The following CASK variants were observed in gnomAD, a reference collection of about 807,000 sequenced individuals.
CASK encodes the protein peripheral plasma membrane protein CASK.
A neutral mutation model predicts 82.9 loss-of-function variants in CASK; 4 were observed. The ratio of observed to expected loss-of-function variants is 0.05; its 90% confidence interval spans 0.02 to 0.11. The LOEUF (loss-of-function observed/expected upper bound fraction) is 0.11. Ranked by LOEUF, CASK falls within the 10% of genes least tolerant of loss-of-function variation. The pLI is 1.00. For synonymous variants in CASK, 259 were observed against 253.5 expected (o/e 1.02, Z -0.20); for missense variants, 358 against 720.9 (o/e 0.50, Z 5.76).
chrX:41,919,192 G>C (rs1173325485), intron 1 of CASK: 1 of 112,283 alleles, frequency 8.9e-6, no homozygotes, highest in Non-Finnish European at 1.9e-5. Flanking sequence ...CTCCTTATTA[G>C]TGAACTAGAG....
intron 1 of CASK, among the ~76,000 whole-genome samples, chrX:41,866,879 G>A (rs2071599899): frequency 9.0e-6 from 1 of 111,292 alleles, no homozygotes; most frequent in Non-Finnish European, 1.9e-5. Flanking sequence ...ATCTTTTGGG[G>A]TTTGATGAAT....
chrX:41,794,199 A>G (rs993853712), intron 2 of CASK, among the ~76,000 whole-genome samples: 1 of 112,417 alleles, frequency 8.9e-6, no homozygotes. Context: ...GGCCCCAAAT[A>G]TCATCATCAG....
chrX:41,702,958 T>C (rs2067828329), intron 5 of CASK, among the ~76,000 whole-genome samples: 1 of 112,078 alleles, frequency 8.9e-6, no homozygotes, highest in African/African-American at 3.2e-5. Flanking sequence ...TAGAGCATCC[T>C]ACCCTTATTA....
chrX:41,682,714 C>T (rs759233637), intron 5 of CASK, among the ~76,000 whole-genome samples: 41 of 106,952 alleles, frequency 3.8e-4, no homozygotes, highest in South Asian at 1.3e-3. Flanking sequence ...TGGGCTCAAG[C>T]GATCCTCCTG....
intron 6 of CASK, among the ~76,000 whole-genome samples, chrX:41,670,172 G>A (rs969761486): frequency 3.6e-5 from 4 of 112,121 alleles, no homozygotes; most frequent in Admixed American, 1.9e-4. Flanking sequence ...TATTATGGAA[G>A]AATTCAATCA....
At chrX:41,531,962 T>G (rs1247201731) in intron 24 of CASK, among the ~76,000 whole-genome samples, 1 of 111,439 alleles carries the variant, frequency 9.0e-6, no homozygotes, top group Non-Finnish European at 1.9e-5. Flanking sequence ...GGAGACAGAG[T>G]CCCACTCTGT....
intron 5 of CASK, among the ~76,000 whole-genome samples, chrX:41,680,183 C>CAAA (rs1249667322): frequency 1.3e-5 from 1 of 79,966 alleles, no homozygotes; most frequent in African/African-American, 4.6e-5. Context: ...GACCTTGTCT[C>CAAA]AAAAAAAAAA....
intron 9 of CASK, among the ~76,000 whole-genome samples, chrX:41,636,187 A>ACACC (rs1351529578): frequency 2.2e-4 from 24 of 110,800 alleles, no homozygotes; most frequent in African/African-American, 7.2e-4. Flanking sequence ...ATAAGCCACC[A>ACACC]CACCCGGCCC....
intron 21 of CASK, among the ~76,000 whole-genome samples, chrX:41,543,355 G>A (rs1033649720): frequency 8.9e-5 from 10 of 111,841 alleles, no homozygotes; most frequent in Non-Finnish European, 1.7e-4. Context: ...TATTCTATCC[G>A]CAGTGTCTTT....
Position 41,665,435 on chromosome X carries a change from G to T in CASK, c.550C>A (p.His184Asn), listed in dbSNP as rs2147479461. Reference sequence around the variant, plus strand: ...TTGACCACTTCTGGTGCCATAAAATGAGGTGTTCCAACACGTCCTACATTT... The same window carrying T: ...TTGACCACTTCTGGTGCCATAAAATTAGGTGTTCCAACACGTCCTACATTT... ...LVAGGRVGTP[H>N]FMAPEVVKRE... Residue 184 changes from histidine to asparagine, a missense_variant, in exon 7 of 27, where the codon CAT becomes AAT. By Grantham distance (68) the His-to-Asn change is moderately conservative. Coordinates refer to ENST00000378163, the MANE Select transcript of CASK (RefSeq NM_001367721.1). 8.3e-7 allele frequency: 1 copy of T among 1,205,881 alleles called. No homozygotes were observed.
At chrX:41,795,852 T>C (rs2069841275) in intron 2 of CASK, among the ~76,000 whole-genome samples, 1 of 110,780 alleles carries the variant, frequency 9.0e-6, no homozygotes, top group Non-Finnish European at 1.9e-5. Context: ...GAATCATTTG[T>C]CATTTAGCAT....
At chrX:41,667,752 A>G (rs1018601994) in intron 6 of CASK, among the ~76,000 whole-genome samples, 3 of 111,209 alleles carry the variant, frequency 2.7e-5, no homozygotes, top group Non-Finnish European at 5.6e-5. Flanking sequence ...ATGGCTTTCT[A>G]CAATTTCCTG....
At chrX:41,734,793 C>T (rs73193134) in intron 5 of CASK, among the ~76,000 whole-genome samples, 1 of 111,271 alleles carries the variant, frequency 9.0e-6, no homozygotes, top group African/African-American at 3.3e-5. Flanking sequence ...CAGCCTCCCA[C>T]AGCAAAGAAT....
intron 21 of CASK, among the ~76,000 whole-genome samples, chrX:41,546,843 C>G (rs911442943): frequency 2.8e-4 from 31 of 112,231 alleles, no homozygotes; most frequent in Admixed American, 9.5e-5. Context: ...AACTTTCAAA[C>G]ACATACAAGG....
intron 12 of CASK, among the ~76,000 whole-genome samples, chrX:41,595,982 G>T (rs1171103425): frequency 9.0e-6 from 1 of 111,107 alleles, no homozygotes; most frequent in Non-Finnish European, 1.9e-5. Flanking sequence ...CTCACCTGAG[G>T]TGAGGAGTTC....
chrX:41,922,497 C>T (rs2072801636), intron 1 of CASK, among the ~76,000 whole-genome samples: 1 of 112,016 alleles, frequency 8.9e-6, no homozygotes, highest in African/African-American at 3.3e-5. Flanking sequence ...TCTAATATCC[C>T]GCACAATAGA....
chrX:41,565,333 C>G (rs1054914295), intron 16 of CASK, among the ~76,000 whole-genome samples: 1 of 111,024 alleles, frequency 9.0e-6, no homozygotes, highest in Non-Finnish European at 1.9e-5. Context: ...ATTGATAGAC[C>G]GCTAGCAAGA....
At chrX:41,845,894 A>C (rs1341441376) in intron 2 of CASK, among the ~76,000 whole-genome samples, 1 of 111,444 alleles carries the variant, frequency 9.0e-6, no homozygotes, top group Admixed American at 9.6e-5. Flanking sequence ...TATGCTTAGA[A>C]TGGCTTTTAT....
At chrX:41,875,630 C>A (rs2071799597) in intron 1 of CASK, among the ~76,000 whole-genome samples, 1 of 110,314 alleles carries the variant, frequency 9.1e-6, no homozygotes, top group African/African-American at 3.3e-5. Flanking sequence ...GAAGCATAAT[C>A]AGGGAGGTGT....
Sources: allele counts gnomAD v4.1 joint callset (sites outside exome capture counted in the v4.1 genomes callset), GRCh38; gene constraint gnomAD v4.1.1; transcripts MANE v1.5; gene names NCBI Gene and HGNC (gene_info 2026-07-23, HGNC 2026-07-21).